The following SGCD variants were observed in gnomAD, a reference collection of about 807,000 sequenced individuals.
SGCD encodes sarcoglycan delta, also known as delta-sarcoglycan.
SGCD carries 18 observed loss-of-function variants against 36.6 expected under a neutral mutation model. The ratio of observed to expected loss-of-function variants is 0.49; its 90% CI spans 0.34 to 0.73. The LOEUF (loss-of-function observed/expected upper bound fraction) is 0.73, where lower values mean the gene tolerates loss of function less well. SGCD is among the 30% of genes least tolerant of loss of function. The probability of loss-of-function intolerance (pLI) is 0.01; values close to 1 mark genes in which losing one functional copy is unlikely to be tolerated. For missense variants in SGCD, 387 were observed against 346.7 expected, an observed-to-expected ratio of 1.12 and a Z score of -0.92; for synonymous variants, 133 against 130.6, an observed-to-expected ratio of 1.02 and a Z score of -0.12.
chr5:155,881,046 G>A (rs1188497628), intron 1 of SGCD, among the ~76,000 whole-genome samples: 1 of 151,966 alleles, frequency 6.6e-6, no homozygotes, highest in South Asian at 2.1e-4. Context: ...AGGCTTTGGA[G>A]GTCACTTAAT....
chr5:155,785,023 A>G, the SGCD span, among the ~76,000 whole-genome samples: 99 of 152,242 alleles, frequency 6.5e-4, no homozygotes, highest in African/African-American at 2.2e-3. Flanking sequence ...CATGACTCCT[A>G]TATCCATCTC....
At chr5:156,132,864 T>C (rs187658469) in intron 3 of SGCD, among the ~76,000 whole-genome samples, 110 of 152,310 alleles carry the variant, frequency 7.2e-4, no homozygotes, top group Admixed American at 2.9e-3. Flanking sequence ...TTGTCTCAGA[T>C]AATAAATATC....
chr5:156,603,441 A>G (rs1724756027), intron 6 of SGCD, among the ~76,000 whole-genome samples: 1 of 151,748 alleles, frequency 6.6e-6, no homozygotes, highest in Non-Finnish European at 1.5e-5. Flanking sequence ...GATCTTTATT[A>G]TTTACTTTCT....
the SGCD span, among the ~76,000 whole-genome samples, chr5:155,823,338 G>A: frequency 6.6e-6 from 1 of 151,288 alleles, no homozygotes; most frequent in Non-Finnish European, 1.5e-5. Context: ...GGGGGGTGGT[G>A]GATTTCTTTT....
intron 3 of SGCD, among the ~76,000 whole-genome samples, chr5:156,386,899 A>G (rs958281182): frequency 6.6e-5 from 10 of 152,216 alleles, no homozygotes; most frequent in South Asian, 6.2e-4. Context: ...AACTTAAGGT[A>G]TGTTTATTCA....
chr5:156,651,596 A>G (rs1763463101), intron 7 of SGCD, among the ~76,000 whole-genome samples: 2 of 152,126 alleles, frequency 1.3e-5, no homozygotes, highest in Non-Finnish European at 2.9e-5. Flanking sequence ...TTTGTCAAAG[A>G]TTAAATAGCT....
chr5:156,636,041 A>T (rs1762817088), intron 6 of SGCD, among the ~76,000 whole-genome samples: 1 of 152,158 alleles, frequency 6.6e-6, no homozygotes, highest in Non-Finnish European at 1.5e-5. Flanking sequence ...GTAATAAAAA[A>T]AAAATGGGGC....
intron 1 of SGCD, among the ~76,000 whole-genome samples, chr5:155,882,239 C>G (rs6860291): frequency 0.43 from 65,143 of 151,440 alleles, 15,977 homozygotes; most frequent in African/African-American, 0.66. Flanking sequence ...CTACACCTGA[C>G]TTTTTTTTAA....
the SGCD span, among the ~76,000 whole-genome samples, chr5:155,731,771 C>T: frequency 4.3e-4 from 65 of 152,264 alleles, 1 homozygote; most frequent in African/African-American, 1.5e-3. Flanking sequence ...ATACAGACTA[C>T]TGGACCCACT....
intron 1 of SGCD, among the ~76,000 whole-genome samples, chr5:156,017,982 A>T (rs1456578307): frequency 6.6e-6 from 1 of 152,102 alleles, no homozygotes; most frequent in African/African-American, 2.4e-5. Flanking sequence ...CACCGTAGGG[A>T]GACTCCATCT....
chr5:156,039,533 A>G (rs541939355), intron 1 of SGCD, among the ~76,000 whole-genome samples: 12 of 152,292 alleles, frequency 7.9e-5, no homozygotes, highest in African/African-American at 2.6e-4. Flanking sequence ...GTACAGGCAC[A>G]TGGTAGATAT....
At chr5:156,448,345 A>G (rs1266872791) in intron 3 of SGCD, among the ~76,000 whole-genome samples, 1 of 152,180 alleles carries the variant, frequency 6.6e-6, no homozygotes, top group Admixed American at 6.5e-5. Context: ...TGCACAAGGT[A>G]AAATGAGATC....
chr5:155,993,182 C>A (rs781312804), intron 1 of SGCD, among the ~76,000 whole-genome samples: 4 of 152,240 alleles, frequency 2.6e-5, no homozygotes, highest in Admixed American at 6.5e-5. Context: ...TGCCTCTTGC[C>A]CCGCCATGGA....
At chr5:155,964,158 A>G (rs1171850367) in intron 1 of SGCD, among the ~76,000 whole-genome samples, 1 of 152,152 alleles carries the variant, frequency 6.6e-6, no homozygotes, top group East Asian at 1.9e-4. Flanking sequence ...TCTTTGACTT[A>G]AATATGCTTC....
At chr5:156,245,481 A>G (rs926797834) in intron 3 of SGCD, among the ~76,000 whole-genome samples, 3 of 152,182 alleles carry the variant, frequency 2.0e-5, no homozygotes, top group African/African-American at 7.2e-5. Context: ...CCTGTGGGGA[A>G]TTTTATAATG....
chr5:155,950,070 T>G (rs2113428216), intron 1 of SGCD, among the ~76,000 whole-genome samples: 1 of 152,296 alleles, frequency 6.6e-6, no homozygotes, highest in South Asian at 2.1e-4. Context: ...AATAGAAAAC[T>G]TGACTCAAAT....
chr5:155,919,429 GTC>G (rs1756825688), intron 1 of SGCD, among the ~76,000 whole-genome samples: 2 of 152,150 alleles, frequency 1.3e-5, no homozygotes, highest in South Asian at 4.1e-4. Context: ...AACCTACTTA[GTC>G]ATTCTAGTTC....
intron 1 of SGCD, among the ~76,000 whole-genome samples, chr5:156,106,338 G>A (rs536089368): frequency 3.3e-5 from 5 of 152,146 alleles, no homozygotes; most frequent in Non-Finnish European, 7.4e-5. Flanking sequence ...TAAAAGTAGT[G>A]AAGGAAAAAC....
At chr5:156,134,031 G>A (rs1209313681) in intron 3 of SGCD, among the ~76,000 whole-genome samples, 1 of 148,972 alleles carries the variant, frequency 6.7e-6, no homozygotes, top group Non-Finnish European at 1.5e-5. Context: ...TAAATATATT[G>A]TTTTCATAAC....
Sources: gnomAD v4.1 joint callset for allele counts (sites outside exome capture counted in the v4.1 genomes callset) on GRCh38, gnomAD v4.1.1 for gene constraint, MANE v1.5 for transcripts, NCBI Gene and HGNC (gene_info 2026-07-23, HGNC 2026-07-21) for gene names.